Variants in DPYD observed in about 807,000 individuals in gnomAD.
DPYD encodes the protein dihydropyrimidine dehydrogenase.
A neutral mutation model predicts 116.2 loss-of-function variants in DPYD; 109 were observed. The observed-to-expected ratio is 0.94, with a 90% CI of 0.80 to 1.10. The LOEUF is 1.10. Ranked by LOEUF, DPYD falls within the 50% of genes least tolerant of loss-of-function variation. DPYD has a pLI of 0.00. For missense variants in DPYD, 1,302 were observed against 1,254.5 expected, an observed-to-expected ratio of 1.04 and a Z score of -0.57; for synonymous variants, 440 against 432.0, an observed-to-expected ratio of 1.02 and a Z score of -0.23.
At chr1:97,233,604 GC>G (rs1468465390) in intron 19 of DPYD, among the ~76,000 whole-genome samples, 1 of 152,152 alleles carries the variant, frequency 6.6e-6, no homozygotes, top group Non-Finnish European at 1.5e-5. Context: ...TTGCTAGACT[GC>G]CCCTTTCCTG....
chr1:97,844,105 G>C (rs946024904), intron 2 of DPYD, among the ~76,000 whole-genome samples: 6 of 152,164 alleles, frequency 3.9e-5, no homozygotes, highest in Admixed American at 1.3e-4. Context: ...CCCTAAAAGA[G>C]AGTCAGTATG....
At chr1:97,530,278 C>T (rs1301867701) in intron 12 of DPYD, among the ~76,000 whole-genome samples, 2 of 143,404 alleles carry the variant, frequency 1.4e-5, no homozygotes, top group African/African-American at 5.2e-5. Flanking sequence ...AGTGCAGCGG[C>T]ACAATCTCAG....
At chr1:97,805,698 T>G (rs1170391681) in intron 3 of DPYD, among the ~76,000 whole-genome samples, 2 of 150,432 alleles carry the variant, frequency 1.3e-5, no homozygotes, top group Admixed American at 6.7e-5. Context: ...CAAGGAGAAG[T>G]AGACAAACAA....
chr1:97,396,251 G>T (rs1673000253), intron 14 of DPYD, among the ~76,000 whole-genome samples: 1 of 151,672 alleles, frequency 6.6e-6, no homozygotes, highest in South Asian at 2.1e-4. Context: ...AAAACTTCAA[G>T]AAGTTAAATA....
At chr1:97,624,514 T>A (rs977595592) in intron 8 of DPYD, among the ~76,000 whole-genome samples, 7 of 151,946 alleles carry the variant, frequency 4.6e-5, no homozygotes, top group East Asian at 1.9e-4. Flanking sequence ...CTCTTGTTAG[T>A]GAGAATGTAA....
rs147448573 is a variant in DPYD at position 97,860,635 on chromosome 1, C to T, written c.150+22629G>A. Among the ~76,000 whole-genome samples, 861 of 152,060 alleles carry T rather than the reference C, an allele frequency of 5.7e-3. 5 individuals carry two copies. The highest frequency in any genetic ancestry group is 7.7e-3 in the Non-Finnish European group (525 of 67,952). On this transcript the variant is annotated intron_variant, in intron 2 of 22. Coordinates refer to ENST00000370192, the MANE Select transcript of DPYD (RefSeq NM_000110.4). Reference sequence around the variant, plus strand: ...AACCAGTGACATTCTCAGTGCACAACGACATTCCATACAAATGACAAACCA... The same window carrying T: ...AACCAGTGACATTCTCAGTGCACAATGACATTCCATACAAATGACAAACCA...
chr1:97,309,237 A>G (rs977647254), intron 16 of DPYD, among the ~76,000 whole-genome samples: 2 of 151,806 alleles, frequency 1.3e-5, no homozygotes, highest in Non-Finnish European at 2.9e-5. Flanking sequence ...AAAAACGTCT[A>G]CGTAGATCAC....
At chr1:97,343,955 A>G (rs1669713265) in intron 16 of DPYD, among the ~76,000 whole-genome samples, 1 of 151,982 alleles carries the variant, frequency 6.6e-6, no homozygotes, top group Non-Finnish European at 1.5e-5. Context: ...AAATAGTTTC[A>G]TGTGCTGTTT....
chr1:97,634,656 A>T (rs12074083), intron 8 of DPYD, among the ~76,000 whole-genome samples: 9,226 of 152,118 alleles, frequency 0.061, 635 homozygotes, highest in African/African-American at 0.17. Flanking sequence ...ACAAAATATA[A>T]CAACAGATGT....
chr1:97,323,347 T>TAC (rs1435406929), intron 16 of DPYD, among the ~76,000 whole-genome samples: 1 of 129,102 alleles, frequency 7.7e-6, no homozygotes, highest in African/African-American at 2.8e-5. Context: ...TATATATACA[T>TAC]GTGTATATGT....
chr1:97,423,160 A>T (rs1044988002), intron 14 of DPYD, among the ~76,000 whole-genome samples: 6 of 152,124 alleles, frequency 3.9e-5, no homozygotes, highest in African/African-American at 1.4e-4. Flanking sequence ...TAGCAAGAGA[A>T]ATCATATTGT....
intron 9 of DPYD, among the ~76,000 whole-genome samples, chr1:97,594,374 C>T (rs1034191488): frequency 6.6e-6 from 1 of 152,092 alleles, no homozygotes; most frequent in African/African-American, 2.4e-5. Context: ...CTGTAAACTT[C>T]TGAAGAATAA....
chr1:97,462,360 T>A (rs1677077526), intron 13 of DPYD, among the ~76,000 whole-genome samples: 1 of 152,210 alleles, frequency 6.6e-6, no homozygotes, highest in South Asian at 2.1e-4. Context: ...ATCATTTAAA[T>A]TACTTAACAA....
intron 16 of DPYD, among the ~76,000 whole-genome samples, chr1:97,312,032 G>T (rs1478644615): frequency 6.6e-6 from 1 of 151,646 alleles, no homozygotes; most frequent in Non-Finnish European, 1.5e-5. Context: ...TGACCTGGTG[G>T]TCACATGGTG....
intron 18 of DPYD, among the ~76,000 whole-genome samples, chr1:97,253,580 A>G (rs1020176917): frequency 1.1e-4 from 17 of 152,070 alleles, no homozygotes; most frequent in Admixed American, 6.6e-5. Flanking sequence ...CCATCTCACA[A>G]TGTTTTTGTT....
At chr1:97,910,621 C>T (rs1452950449) in intron 1 of DPYD, among the ~76,000 whole-genome samples, 3 of 152,038 alleles carry the variant, frequency 2.0e-5, no homozygotes, top group Non-Finnish European at 4.4e-5. Flanking sequence ...AGTGGCAGAG[C>T]TAGGCTGTGA....
intron 5 of DPYD, among the ~76,000 whole-genome samples, chr1:97,715,264 T>A (rs139793626): frequency 3.7e-4 from 57 of 152,252 alleles, no homozygotes; most frequent in African/African-American, 1.4e-3. Flanking sequence ...ACAATATAAC[T>A]GCATTTTCTC....
chr1:97,526,865 C>G (rs1649138908), intron 12 of DPYD, among the ~76,000 whole-genome samples: 1 of 152,100 alleles, frequency 6.6e-6, no homozygotes, highest in Non-Finnish European at 1.5e-5. Flanking sequence ...ATCAACAAGA[C>G]AGTTGTCCAT....
intron 20 of DPYD, among the ~76,000 whole-genome samples, chr1:97,117,500 A>G (rs1253409677): frequency 6.6e-6 from 1 of 152,198 alleles, no homozygotes; most frequent in East Asian, 1.9e-4. Flanking sequence ...CCTAAGGTTT[A>G]CCCACATTCA....
Sources: gnomAD v4.1 joint callset for allele counts (sites outside exome capture counted in the v4.1 genomes callset) on GRCh38, gnomAD v4.1.1 for gene constraint, MANE v1.5 for transcripts, NCBI Gene and HGNC (gene_info 2026-07-23, HGNC 2026-07-21) for gene names.